DNAH6: variants seen among roughly 807,000 people sequenced by gnomAD.
The protein encoded by DNAH6 is axonemal beta dynein heavy chain 6.
DNAH6 carries 340 observed loss-of-function variants against 491.4 expected under a neutral mutation model. That is an observed-to-expected ratio of 0.69 (90% CI 0.63 to 0.76). The LOEUF (loss-of-function observed/expected upper bound fraction) is 0.76. Ranked by LOEUF, DNAH6 falls within the 30% of genes least tolerant of loss-of-function variation. DNAH6 has a pLI of 0.00. For missense variants in DNAH6, 4,443 were observed against 4,972.2 expected, an observed-to-expected ratio of 0.89 and a Z score of 3.20; for synonymous variants, 1,603 against 1,686.1, an observed-to-expected ratio of 0.95 and a Z score of 1.21.
intron 21 of DNAH6, 87 bp downstream of exon 21, chr2:84,607,182 T>C: frequency 1.1e-5 from 14 of 1,288,390 alleles, no homozygotes; most frequent in Non-Finnish European, 1.4e-5. Flanking sequence ...TATTTAAATA[T>C]TATATGGTTT....
At chr2:84,658,986 A>G in intron 36 of DNAH6, 40 bp from the exon 37 acceptor site, 7 of 1,203,892 alleles carry the variant, frequency 5.8e-6, no homozygotes, top group East Asian at 2.7e-5. Context: ...TTTTATGTTC[A>G]TATATAAAAT....
At chr2:84,626,106 A>G (rs1687829863) in intron 29 of DNAH6, among the ~76,000 whole-genome samples, 1 of 151,972 alleles carries the variant, frequency 6.6e-6, no homozygotes, top group Non-Finnish European at 1.5e-5. Flanking sequence ...GGCCTCACAG[A>G]TCCCCTAAAA....
At chr2:84,601,813 A>G (rs1290014682) in intron 18 of DNAH6, among the ~76,000 whole-genome samples, 1 of 151,748 alleles carries the variant, frequency 6.6e-6, no homozygotes, top group African/African-American at 2.4e-5. Context: ...TTTTAATTTA[A>G]TTGCATATTT....
In DNAH6 at chr2:84,553,011, G is replaced by A; in HGVS notation, c.1579G>A (p.Glu527Lys). 2 of 1,604,640 alleles carry A rather than the reference G, an allele frequency of 1.2e-6. No homozygotes were observed. Among genetic ancestry groups the A allele is most frequent in the Non-Finnish European group, 1.7e-6 (2 of 1,174,638 alleles). The part of the protein sequence containing the change: ...LMLTVQSLLF[E>K]PSLEDFLDGI... Reference sequence around the variant, plus strand: ...GTTGACAGTCCAGTCACTGCTCTTTGAGCCTTCTCTGGAAGACTTTCTGGT... The same window carrying A: ...GTTGACAGTCCAGTCACTGCTCTTTAAGCCTTCTCTGGAAGACTTTCTGGT... The change falls in exon 10 of 77, where the codon GAG becomes AAG. Residue 527 changes from glutamate (E) to lysine (K), a missense_variant. Glu to Lys is a moderately conservative substitution (Grantham distance 56, BLOSUM62 1). This residue lies in a region of DNAH6 where 2,977 missense variants were observed against 3,296.6 expected (regional missense o/e 0.90). Coordinates refer to ENST00000389394, the MANE Select transcript of DNAH6 (RefSeq NM_001370.2).
the DNAH6 span, among the ~76,000 whole-genome samples, chr2:84,496,905 C>T: frequency 6.6e-6 from 1 of 151,916 alleles, no homozygotes; most frequent in Non-Finnish European, 1.5e-5. Context: ...GATCTATTCC[C>T]TATCACTGTA....
At chr2:84,638,506 G>A (rs1382561973) in intron 31 of DNAH6, among the ~76,000 whole-genome samples, 2 of 151,830 alleles carry the variant, frequency 1.3e-5, no homozygotes, top group East Asian at 3.9e-4. Context: ...CATAACAAGG[G>A]ACACTACCCC....
chr2:84,506,486 A>G, the DNAH6 span, among the ~76,000 whole-genome samples: 1 of 152,162 alleles, frequency 6.6e-6, no homozygotes, highest in Non-Finnish European at 1.5e-5. Flanking sequence ...TCAGACGAGT[A>G]GATTGCAAAA....
At chr2:84,674,078 G>T (rs555722082) in intron 40 of DNAH6, among the ~76,000 whole-genome samples, 2 of 152,232 alleles carry the variant, frequency 1.3e-5, no homozygotes, top group Admixed American at 1.3e-4. Flanking sequence ...GAAAAGGGCG[G>T]GGGGCATGTT....
intron 64 of DNAH6, among the ~76,000 whole-genome samples, chr2:84,767,576 A>G (rs1412725993): frequency 6.6e-6 from 1 of 152,092 alleles, no homozygotes; most frequent in East Asian, 1.9e-4. Context: ...GTATATATAT[A>G]TATATAAAAC....
At chr2:84,486,486 C>A in the DNAH6 span, among the ~76,000 whole-genome samples, 5 of 152,142 alleles carry the variant, frequency 3.3e-5, no homozygotes, top group Admixed American at 2.6e-4. Flanking sequence ...CCTGGGGACA[C>A]CTGGATACAG....
intron 60 of DNAH6, among the ~76,000 whole-genome samples, chr2:84,725,645 C>A (rs1029402593): frequency 6.6e-6 from 1 of 152,142 alleles, no homozygotes; most frequent in East Asian, 1.9e-4. Context: ...CCTAAAATAT[C>A]TTGGGCTGAA....
chr2:84,525,463 G>A (rs1355465446), intron 2 of DNAH6, 102 bp from the exon 3 acceptor site: 1 of 1,160,088 alleles, frequency 8.6e-7, no homozygotes, highest in Non-Finnish European at 1.2e-6. Flanking sequence ...TTAGTCCAAG[G>A]AGATCAATTT....
At chr2:84,569,307 T>G (rs1398481858) in intron 11 of DNAH6, among the ~76,000 whole-genome samples, 1 of 152,018 alleles carries the variant, frequency 6.6e-6, no homozygotes, top group Non-Finnish European at 1.5e-5. Context: ...CTATAGATAT[T>G]CAGAAGTTTA....
chr2:84,593,272 G>T (rs1297710158), intron 16 of DNAH6, among the ~76,000 whole-genome samples: 1 of 152,112 alleles, frequency 6.6e-6, no homozygotes, highest in African/African-American at 2.4e-5. Flanking sequence ...GAGAATAGGA[G>T]TGAAAGCCTA....
intron 59 of DNAH6, 130 bp downstream of exon 59, chr2:84,718,514 C>A (rs1001914663): frequency 1.2e-5 from 8 of 647,196 alleles, no homozygotes; most frequent in African/African-American, 9.5e-5. Context: ...GACACACAGA[C>A]GGGTGCCTGC....
intron 61 of DNAH6, among the ~76,000 whole-genome samples, chr2:84,732,193 A>G (rs1699178243): frequency 6.6e-6 from 1 of 152,312 alleles, no homozygotes; most frequent in Admixed American, 6.5e-5. Flanking sequence ...CAGAGTTGCT[A>G]CAATACATTA....
intron 49 of DNAH6, among the ~76,000 whole-genome samples, chr2:84,703,025 C>A (rs1696075700): frequency 6.6e-6 from 1 of 152,210 alleles, no homozygotes; most frequent in Non-Finnish European, 1.5e-5. Flanking sequence ...CCAGAGCAAA[C>A]AAGCTCCCAG....
chr2:84,535,071 C>T (rs1376850553), intron 4 of DNAH6, among the ~76,000 whole-genome samples: 1 of 151,566 alleles, frequency 6.6e-6, no homozygotes, highest in Non-Finnish European at 1.5e-5. Context: ...TATAATTTTA[C>T]TTCTTAAATT....
At chr2:84,673,255 C>T (rs1458826234) in intron 40 of DNAH6, among the ~76,000 whole-genome samples, 1 of 124,366 alleles carries the variant, frequency 8.0e-6, no homozygotes, top group African/African-American at 2.6e-5. Flanking sequence ...GGTCACATCC[C>T]ATGGTGCCGT....
Sources: gnomAD v4.1 joint callset for allele counts (sites outside exome capture counted in the v4.1 genomes callset) on GRCh38, gnomAD v4.1.1 for gene constraint, gnomAD v4.1.1 regional missense constraint, MANE v1.5 for transcripts, NCBI Gene and HGNC (gene_info 2026-07-23, HGNC 2026-07-21) for gene names.